The following CDH13 variants were observed in gnomAD, a reference collection of about 807,000 sequenced individuals.
The protein encoded by CDH13 is cadherin 13.
In CDH13, 24 loss-of-function variants were observed where a neutral mutation model predicts 63.8. The ratio of observed to expected loss-of-function variants is 0.38; its 90% CI spans 0.27 to 0.53. The LOEUF (loss-of-function observed/expected upper bound fraction) is 0.53, where lower values mean the gene tolerates loss of function less well. Ranked by LOEUF, CDH13 falls within the 20% of genes least tolerant of loss-of-function variation. CDH13 has a pLI of 0.85. For missense variants in CDH13, 1,049 were observed against 903.1 expected (o/e 1.16, Z -2.07); for synonymous variants, 503 against 355.3 (o/e 1.42, Z -4.67).
intron 1 of CDH13, among the ~76,000 whole-genome samples, chr16:82,721,609 T>TGAA (rs1480385192): frequency 2.6e-5 from 4 of 152,120 alleles, no homozygotes; most frequent in African/African-American, 9.7e-5. Flanking sequence ...TTTGTAAGTT[T>TGAA]GAAGAATTAA....
chr16:83,160,884 G>C (rs1352519931), intron 4 of CDH13, among the ~76,000 whole-genome samples: 2 of 152,310 alleles, frequency 1.3e-5, no homozygotes, highest in East Asian at 3.9e-4. Context: ...TGTCTGGGAT[G>C]TTATGTCTAA....
intron 10 of CDH13, among the ~76,000 whole-genome samples, chr16:83,690,215 T>C (rs969610833): frequency 2.0e-5 from 3 of 152,122 alleles, no homozygotes; most frequent in Non-Finnish European, 4.4e-5. Flanking sequence ...GAAATCATAT[T>C]CCTGTGGAAG....
chr16:83,422,804 T>C (rs1597984025), intron 6 of CDH13, among the ~76,000 whole-genome samples: 4 of 152,136 alleles, frequency 2.6e-5, no homozygotes, highest in African/African-American at 9.7e-5. Flanking sequence ...CATGAGCCTG[T>C]TTTGATAATT....
At chr16:82,739,084 G>C (rs1274065866) in intron 1 of CDH13, among the ~76,000 whole-genome samples, 2 of 152,088 alleles carry the variant, frequency 1.3e-5, no homozygotes, top group Admixed American at 6.6e-5. Context: ...ACTGTGCCCT[G>C]GTTATGATTG....
chr16:82,680,943 G>C (rs1441051908), intron 1 of CDH13, among the ~76,000 whole-genome samples: 1 of 152,152 alleles, frequency 6.6e-6, no homozygotes, highest in Non-Finnish European at 1.5e-5. Context: ...CAAATCTAGT[G>C]GAAAGCCAGA....
At chr16:82,921,901 C>T (rs2042167541) in intron 2 of CDH13, among the ~76,000 whole-genome samples, 1 of 152,028 alleles carries the variant, frequency 6.6e-6, no homozygotes, top group African/African-American at 2.4e-5. Context: ...CAGAAATATT[C>T]TAAATTACTG....
At chr16:83,406,730 T>A (rs1215556623) in intron 6 of CDH13, among the ~76,000 whole-genome samples, 7 of 152,208 alleles carry the variant, frequency 4.6e-5, no homozygotes, top group Non-Finnish European at 1.0e-4. Flanking sequence ...CCTCCCAAAG[T>A]GCTGGGATTA....
chr16:83,271,423 A>T (rs12917885), intron 5 of CDH13, among the ~76,000 whole-genome samples: 1,003 of 35,054 alleles, frequency 0.029, 97 homozygotes, highest in East Asian at 0.063. Flanking sequence ...CAGAGTTCAT[A>T]AAAAAAAAAA....
At chr16:83,786,916 A>T (rs1274463149) in intron 13 of CDH13, among the ~76,000 whole-genome samples, 1 of 152,148 alleles carries the variant, frequency 6.6e-6, no homozygotes, top group African/African-American at 2.4e-5. Context: ...CAGAAAGTAA[A>T]ATATTACAGG....
intron 4 of CDH13, among the ~76,000 whole-genome samples, chr16:83,207,503 A>G (rs147332014): frequency 3.3e-5 from 5 of 152,196 alleles, no homozygotes; most frequent in South Asian, 4.1e-4. Context: ...ATAGGTACAC[A>G]TACACTTTTT....
chr16:83,410,292 G>T (rs1354870721), intron 6 of CDH13, among the ~76,000 whole-genome samples: 2 of 152,150 alleles, frequency 1.3e-5, no homozygotes, highest in Non-Finnish European at 2.9e-5. Context: ...TTTGGAATGG[G>T]TATTTATTTA....
intron 7 of CDH13, among the ~76,000 whole-genome samples, chr16:83,578,618 T>G (rs112187951): frequency 0.023 from 3,508 of 152,292 alleles, 113 homozygotes; most frequent in African/African-American, 0.08. Context: ...ACTCCACTGA[T>G]GTTTAATGAG....
intron 1 of CDH13, among the ~76,000 whole-genome samples, chr16:82,769,760 A>G (rs1031749401): frequency 2.6e-5 from 4 of 152,234 alleles, no homozygotes; most frequent in Non-Finnish European, 4.4e-5. Context: ...ATGTGTTTCC[A>G]TTGACCTGGC....
At chr16:82,720,121 C>T (rs966366247) in intron 1 of CDH13, among the ~76,000 whole-genome samples, 14 of 151,870 alleles carry the variant, frequency 9.2e-5, no homozygotes, top group African/African-American at 2.7e-4. Context: ...TGAATAAAAA[C>T]AAGTAAGATA....
At chr16:82,839,548 T>C (rs1314277326) in intron 1 of CDH13, among the ~76,000 whole-genome samples, 1 of 152,162 alleles carries the variant, frequency 6.6e-6, no homozygotes, top group Non-Finnish European at 1.5e-5. Flanking sequence ...CCCAGCCCTG[T>C]CTCCTCCCTT....
chr16:82,815,966 T>C (rs1222108004), intron 1 of CDH13, among the ~76,000 whole-genome samples: 1 of 152,210 alleles, frequency 6.6e-6, no homozygotes. Context: ...CTGTGTTTTA[T>C]TTCAGAATAA....
At chr16:83,539,335 T>C (rs1041299245) in intron 7 of CDH13, among the ~76,000 whole-genome samples, 1 of 152,136 alleles carries the variant, frequency 6.6e-6, no homozygotes, top group African/African-American at 2.4e-5. Context: ...CCATGGCTGA[T>C]CTGACAGGAG....
chr16:82,638,516 G>A (rs925989768), intron 1 of CDH13, among the ~76,000 whole-genome samples: 9 of 152,276 alleles, frequency 5.9e-5, no homozygotes, highest in African/African-American at 2.2e-4. Flanking sequence ...CTTAAGAAAT[G>A]TTGGTTGTAT....
rs73601068 is a variant in CDH13 at position 82,687,865 on chromosome 16, C to G, written c.45+60728C>G. On this transcript the variant is annotated intron_variant, in intron 1 of 13. Transcript: ENST00000567109. ...CTGTCCTCGGGGGTAGGAGCAGAGCCAGGGCAAACCGTCAGGGATGCTAAG... is the reference window on the plus strand; with the variant it reads ...CTGTCCTCGGGGGTAGGAGCAGAGCGAGGGCAAACCGTCAGGGATGCTAAG... Among the ~76,000 whole-genome samples the G allele has an allele frequency of 3.9e-3, 586 of 152,192 alleles. 7 individuals are homozygous for G. Among genetic ancestry groups the G allele is most frequent in the African/African-American group, 0.014 (572 of 41,520 alleles).
Sources: allele counts gnomAD v4.1 joint callset (sites outside exome capture counted in the v4.1 genomes callset), GRCh38; gene constraint gnomAD v4.1.1; transcripts MANE v1.5; gene names NCBI Gene and HGNC (gene_info 2026-07-23, HGNC 2026-07-21).